NFILZ: variants seen among roughly 807,000 people sequenced by gnomAD.
NFILZ encodes the protein NFIL3 like basic leucine zipper, also known as NFIL3 like protein.
rs1309625417 is a variant in NFILZ at position 8,656,293 on chromosome 19, CCACCTCCTCCCGCAGCG to C, written c.-163-18246_-163-18230del. Among the ~76,000 whole-genome samples the C allele has an allele frequency of 1.7e-3, 241 of 145,866 alleles. 2 individuals are homozygous for C. Among genetic ancestry groups the C allele is most frequent in the Non-Finnish European group, 1.8e-3 (119 of 65,128 alleles). ...CTGAAGCCCACCTTCTCCCCACAGC[CCACCTCCTCCCGCAGCG>C]CACCTCCTCCCTGAAGCCCCCTTCT... On this transcript the variant is annotated intron_variant, in intron 3 of 5. Coordinates refer to ENST00000691075, the MANE Select transcript of NFILZ (RefSeq NM_001378600.1).
rs1568426387 is a variant in NFILZ, at chr19:8,678,127, C to CCT, written c.*492_*493insCT. ...CATCCATCCATCCATCCATCCATCC[C>CCT]TCCATCCATTCATCCACTTGTCCGT... On this transcript the variant is annotated 3_prime_UTR_variant, in exon 6 of 6. Transcript: ENST00000691075. 2.2e-4 allele frequency among the ~76,000 whole-genome samples: 3 copies of CCT among 13,680 alleles called. No homozygotes were observed. Among genetic ancestry groups the CCT allele is most frequent in the African/African-American group, 6.6e-4 (2 of 3,010 alleles). 9.0% of individuals were successfully genotyped at this position (13,680 alleles called of 152,430 possible).
At chr19:8,663,174 G>A (rs2043039901) in intron 3 of NFILZ, among the ~76,000 whole-genome samples, 1 of 150,962 alleles carries the variant, frequency 6.6e-6, no homozygotes, top group African/African-American at 2.4e-5. Context: ...GCTCAGGCTG[G>A]TTTTGAACTC....
intron 3 of NFILZ, among the ~76,000 whole-genome samples, chr19:8,648,892 T>A (rs1359229556): frequency 6.6e-6 from 1 of 151,810 alleles, no homozygotes; most frequent in African/African-American, 2.4e-5. Context: ...AGTAAAATTG[T>A]GATTTCAGGA....
At chr19:8,647,820 C>CAG (rs2042948173) in intron 3 of NFILZ, among the ~76,000 whole-genome samples, 1 of 148,982 alleles carries the variant, frequency 6.7e-6, no homozygotes, top group African/African-American at 2.5e-5. Context: ...CACACACACA[C>CAG]ACACACACAC....
intron 3 of NFILZ, among the ~76,000 whole-genome samples, chr19:8,657,586 G>A (rs535927931): frequency 9.2e-5 from 14 of 152,186 alleles, no homozygotes; most frequent in South Asian, 4.2e-4. Context: ...GAGTCTGATC[G>A]CTGTGTGTGG....
intron 3 of NFILZ, among the ~76,000 whole-genome samples, chr19:8,666,044 C>CCTTTTTTTTT (rs1312129153): frequency 6.8e-6 from 1 of 147,702 alleles, no homozygotes; most frequent in Non-Finnish European, 1.5e-5. Flanking sequence ...CTTTTTCTCA[C>CCTTTTTTTTT]CTTTTTTTTT....
chr19:8,680,596 T>C lies in NFILZ; in HGVS notation c.*2961T>C, dbSNP rs554532703. Among the ~76,000 whole-genome samples, 1 of 152,084 alleles carries C rather than the reference T, an allele frequency of 6.6e-6. No homozygotes were observed. The highest frequency in any genetic ancestry group is 1.5e-5 in the Non-Finnish European group (1 of 68,032). ...GATGTGATTCCTGCCTCTATGGTAC[T>C]GATAACCCAGGGAAGGAGATAGATT... On this transcript the variant is annotated 3_prime_UTR_variant, in exon 6 of 6. Transcript: ENST00000691075.
intron 2 of NFILZ, among the ~76,000 whole-genome samples, chr19:8,633,262 T>G (rs1555745753): frequency 6.6e-6 from 1 of 152,122 alleles, no homozygotes; most frequent in Non-Finnish European, 1.5e-5. Context: ...CCTAAGGCGA[T>G]GCACCCACCT....
At chr19:8,661,086 C>T (rs1200566386) in intron 3 of NFILZ, among the ~76,000 whole-genome samples, 5 of 49,374 alleles carry the variant, frequency 1.0e-4, no homozygotes, top group Non-Finnish European at 1.7e-4. Flanking sequence ...CCTTCCTTCC[C>T]CCTCCCTCCC....
At chr19:8,670,367 G>A (rs2043081020) in intron 3 of NFILZ, among the ~76,000 whole-genome samples, 2 of 152,312 alleles carry the variant, frequency 1.3e-5, no homozygotes, top group South Asian at 2.1e-4. Context: ...CTCCCAAAGT[G>A]TTGGGATTAT....
chr19:8,648,302 T>C (rs62121176), intron 3 of NFILZ, among the ~76,000 whole-genome samples: 2,897 of 151,256 alleles, frequency 0.019, 55 homozygotes, highest in Non-Finnish European at 0.028. Context: ...GTCTCGCACA[T>C]GTACCCTGGA....
chr19:8,637,673 G>A lies in NFILZ; in HGVS notation c.-164+1927G>A, dbSNP rs529121131. Among the ~76,000 whole-genome samples the A allele has an allele frequency of 7.4e-5, 11 of 148,464 alleles. No individual in the cohort carries two copies. The East Asian group carries it at 1.6e-3, about 22-fold the overall frequency. ...TGTAATTCCAGCACTTTGGGAGGCT[G>A]AGGCATGTGGATCACCTGAGGTCAG... On this transcript the variant is annotated intron_variant, in intron 3 of 5. Transcript: ENST00000691075.
At chr19:8,640,316 G>GTTTTTTTTTTT (rs71179871) in intron 3 of NFILZ, among the ~76,000 whole-genome samples, 69 of 124,212 alleles carry the variant, frequency 5.6e-4, no homozygotes, top group African/African-American at 1.3e-3. Flanking sequence ...TCCTGCTGTA[G>GTTTTTTTTTTT]TTTTTTTTTT....
intron 3 of NFILZ, among the ~76,000 whole-genome samples, chr19:8,647,249 A>C (rs1555747150): frequency 9.9e-5 from 15 of 151,936 alleles, no homozygotes. Flanking sequence ...TGGTACATAC[A>C]CACCGTGGAA....
intron 3 of NFILZ, among the ~76,000 whole-genome samples, chr19:8,654,247 A>AACAAACAAACAAAC (rs372870225): frequency 1.0e-3 from 151 of 151,230 alleles, no homozygotes; most frequent in African/African-American, 3.5e-3. Flanking sequence ...CAAACAAACA[A>AACAAACAAACAAAC]AAACAAACAA....
intron 3 of NFILZ, among the ~76,000 whole-genome samples, chr19:8,641,012 G>A (rs1273620254): frequency 6.6e-6 from 1 of 152,192 alleles, no homozygotes; most frequent in Non-Finnish European, 1.5e-5. Flanking sequence ...AACTAAGACT[G>A]TTCTCTGCAA....
chr19:8,644,705 A>G (rs1353065114), intron 3 of NFILZ, among the ~76,000 whole-genome samples: 1 of 151,416 alleles, frequency 6.6e-6, no homozygotes, highest in Non-Finnish European at 1.5e-5. Flanking sequence ...GGCTCAAGCA[A>G]TCCTTCTGCC....
rs2042973071 is a variant in NFILZ at position 8,652,992 on chromosome 19, C to CT, written c.-164+17248dup. Among the ~76,000 whole-genome samples, 318 of 38,062 alleles carry CT rather than the reference C, an allele frequency of 8.4e-3. 3 individuals are homozygous for CT. Among genetic ancestry groups the CT allele is most frequent in the African/African-American group, 0.021 (203 of 9,508 alleles). The allele number at this position is 38,062 out of a possible 152,430, so 25.0% of individuals were successfully genotyped here. A position where few individuals can be genotyped will look rare whatever the true frequency, so the allele number is the denominator to read the frequency against. On this transcript the variant is annotated intron_variant, in intron 3 of 5. Coordinates refer to ENST00000691075, the MANE Select transcript of NFILZ (RefSeq NM_001378600.1). Reference sequence around the variant, plus strand: ...CCCTCCTTCCTTCCTTCCTTCCTTCCTTCCTTCCTTCCTTCCTTCCTTTCT... The same window carrying CT: ...CCCTCCTTCCTTCCTTCCTTCCTTCCTTTCCTTCCTTCCTTCCTTCCTTTCT...
At chr19:8,664,880 G>A (rs782250311) in intron 3 of NFILZ, among the ~76,000 whole-genome samples, 35 of 152,034 alleles carry the variant, frequency 2.3e-4, no homozygotes, top group Non-Finnish European at 2.9e-5. Context: ...CTCCCTGCTT[G>A]CACACCCCCT....
Sources: allele counts gnomAD v4.1 joint callset (sites outside exome capture counted in the v4.1 genomes callset), GRCh38; gene constraint gnomAD v4.1.1; transcripts MANE v1.5; gene names NCBI Gene and HGNC (gene_info 2026-07-23, HGNC 2026-07-21).